The following ZRANB1 variants were observed in gnomAD, a reference collection of about 807,000 sequenced individuals.
ZRANB1 encodes the protein zinc finger RANBP2-type containing 1, also known as ubiquitin thioesterase ZRANB1.
Under a neutral mutation model 80.5 loss-of-function variants are expected in ZRANB1, and 16 were observed. The observed-to-expected ratio is 0.20, with a 90% CI of 0.13 to 0.30. The LOEUF (loss-of-function observed/expected upper bound fraction) is 0.30, where lower values mean the gene tolerates loss of function less well. Ranked by LOEUF, ZRANB1 falls within the 10% of genes least tolerant of loss-of-function variation. The pLI is 1.00. For missense variants in ZRANB1, 576 were observed against 862.6 expected (o/e 0.67, Z 4.16); for synonymous variants, 291 against 293.1 (o/e 0.99, Z 0.07).
At chr10:124,917,456 G>C in the ZRANB1 span, among the ~76,000 whole-genome samples, 2 of 151,892 alleles carry the variant, frequency 1.3e-5, no homozygotes, top group East Asian at 3.9e-4. Context: ...TGGGCGCTCC[G>C]GTTGCGGGGA....
chr10:124,922,276 TGTA>T, the ZRANB1 span, among the ~76,000 whole-genome samples: 107 of 44,848 alleles, frequency 2.4e-3, no homozygotes, highest in African/African-American at 5.0e-3. Flanking sequence ...TATATATATA[TGTA>T]AAATATATAT....
chr10:124,917,198 CCGCCGCCGCCGCCGCCAA>C, the ZRANB1 span: 1 of 172,348 alleles, frequency 5.8e-6, no homozygotes, highest in East Asian at 1.7e-4. Flanking sequence ...GCCGCCGCCG[CCGCCGCCGCCGCCGCCAA>C]GCGCCCGTCG....
rs1006177396 is a variant in ZRANB1, at chr10:124,985,074, A to C, written c.*82A>C. The C allele has an allele frequency of 7.8e-6, 9 of 1,153,696 alleles. No individual in the cohort carries two copies. Among genetic ancestry groups the C allele is most frequent in the African/African-American group, 1.5e-5 (1 of 64,934 alleles). 71.5% of individuals were successfully genotyped at this position (1,153,696 alleles called of 1,614,324 possible). ...TAGTGTGGTGCTCCAAGCAGAGTCG[A>C]CATCATGGAATGAACCAAATCTGGC... On this transcript the variant is annotated 3_prime_UTR_variant, in exon 9 of 9. Transcript: ENST00000359653.
At position 124,942,689 on chromosome 10, in the gene ZRANB1, A is replaced by G; in HGVS notation, c.196A>G (p.Ile66Val). The change falls in exon 1 of 9, where the codon ATA (isoleucine) becomes GTA (valine). Residue 66 changes from isoleucine to valine, a missense_variant. By Grantham distance (29) the Ile-to-Val change is conservative. This residue lies in a region of ZRANB1 where 411 missense variants were observed against 583.1 expected (regional missense o/e 0.70). Coordinates refer to ENST00000359653, the MANE Select transcript of ZRANB1 (RefSeq NM_017580.3). ...CACCGAAGGAGGAAGTAGTCCTTTG[A>G]TATGTCCAGACTCTAGTGCAAGACC... ...SSTEGGSSPL[I>V]CPDSSARPRV... 6.2e-7 allele frequency: 1 copy of G among 1,614,242 alleles called. No homozygotes were observed. The highest frequency in any genetic ancestry group is 8.5e-7 in the Non-Finnish European group (1 of 1,180,042).
chr10:124,940,226 T>C (rs1417343016), upstream of ZRANB1, among the ~76,000 whole-genome samples: 1 of 152,254 alleles, frequency 6.6e-6, no homozygotes, highest in African/African-American at 2.4e-5. Context: ...TTTTATTGTT[T>C]TGTTAAATTA....
At chr10:124,924,931 G>A in the ZRANB1 span, among the ~76,000 whole-genome samples, 1 of 149,544 alleles carries the variant, frequency 6.7e-6, no homozygotes, top group Non-Finnish European at 1.5e-5. Context: ...TTTTGAGACA[G>A]CGTCTCAGTT....
intron 1 of ZRANB1, among the ~76,000 whole-genome samples, chr10:124,948,987 C>G (rs1191356570): frequency 6.6e-6 from 1 of 152,102 alleles, no homozygotes; most frequent in Admixed American, 6.6e-5. Context: ...GGGCTCAACC[C>G]AGGAGAGCCA....
At chr10:124,949,040 T>A (rs1951608305) in intron 1 of ZRANB1, among the ~76,000 whole-genome samples, 1 of 152,048 alleles carries the variant, frequency 6.6e-6, no homozygotes, top group Non-Finnish European at 1.5e-5. Context: ...AGGTAAGTAG[T>A]GGGTATGAAA....
intron 2 of ZRANB1, among the ~76,000 whole-genome samples, chr10:124,970,375 C>T (rs193289304): frequency 6.6e-6 from 1 of 152,252 alleles, no homozygotes; most frequent in East Asian, 1.9e-4. Context: ...TCTCACCTTT[C>T]AGCCTCCCCA....
Position 124,942,467 on chromosome 10 carries a change from GA to G in ZRANB1, c.-26del. On this transcript the variant is annotated 5_prime_UTR_variant, in exon 1 of 9. Coordinates refer to ENST00000359653, the MANE Select transcript of ZRANB1 (RefSeq NM_017580.3). The stretch of plus-strand genomic sequence containing the variant: ...CCTAATTATTTATAGCTTCCTGCCT[GA>G]CACAGCTCACTTCAAGAAGTGCACA... 6.2e-7 allele frequency: 1 copy of G among 1,613,464 alleles called. No homozygotes were observed. Among genetic ancestry groups the G allele is most frequent in the Non-Finnish European group, 8.5e-7 (1 of 1,179,474 alleles).
At chr10:124,941,019 AC>A (rs1191728050), upstream of ZRANB1, among the ~76,000 whole-genome samples, 2 of 150,768 alleles carry the variant, frequency 1.3e-5, no homozygotes, top group African/African-American at 4.9e-5. Context: ...CAACAAAAAA[AC>A]AAACAAACAA....
chr10:124,957,731 C>CT lies in ZRANB1; in HGVS notation c.815-8851dup, dbSNP rs1004237882. Among the ~76,000 whole-genome samples, 137 of 145,246 alleles carry CT rather than the reference C, an allele frequency of 9.4e-4. 1 individual carries two copies. Among genetic ancestry groups the CT allele is most frequent in the Non-Finnish European group, 1.1e-3 (70 of 65,676 alleles). ...TGTGATCTGGGTCAGAATTTCCTTC[C>CT]TTTTTTTTTTTTCGAGAGGAAGTTT... On this transcript the variant is annotated intron_variant, in intron 1 of 8. Transcript: ENST00000359653.
the ZRANB1 span, among the ~76,000 whole-genome samples, chr10:124,934,488 T>C: frequency 6.6e-6 from 1 of 152,200 alleles, no homozygotes; most frequent in Non-Finnish European, 1.5e-5. Context: ...TTAACCAGCT[T>C]ATGGGTTGCC....
chr10:124,951,255 G>A (rs1951636731), intron 1 of ZRANB1, among the ~76,000 whole-genome samples: 1 of 152,050 alleles, frequency 6.6e-6, no homozygotes, highest in African/African-American at 2.4e-5. Flanking sequence ...TTTAAAAAAA[G>A]TTTCTACTGT....
chr10:124,920,539 CCT>C, the ZRANB1 span, among the ~76,000 whole-genome samples: 3 of 152,012 alleles, frequency 2.0e-5, no homozygotes, highest in African/African-American at 7.2e-5. Context: ...TTTGTGAATC[CCT>C]AACTCTAGCC....
the ZRANB1 span, among the ~76,000 whole-genome samples, chr10:124,928,009 C>T: frequency 6.6e-6 from 1 of 152,034 alleles, no homozygotes; most frequent in Non-Finnish European, 1.5e-5. Flanking sequence ...TGCACTACAG[C>T]CTGGGTGATA....
rs1365188865 is a variant in ZRANB1 at position 124,984,617 on chromosome 10, A to C, written c.1909-157A>C. 7.2e-6 allele frequency: 5 copies of C among 689,888 alleles called. No homozygotes were observed. The East Asian group carries it at 1.4e-4, about 19-fold the overall frequency. The allele number at this position is 689,888 out of a possible 1,614,324, so 42.7% of individuals were successfully genotyped here. ...ATTTAACCAGAGCAAACTGGACTTT[A>C]ATCACAAAACTTCCAAGAGGTCAAA... On this transcript the variant is annotated intron_variant, in intron 8 of 8. Transcript: ENST00000359653.
chr10:124,968,648 T>C (rs936189595), intron 2 of ZRANB1, among the ~76,000 whole-genome samples: 1 of 152,184 alleles, frequency 6.6e-6, no homozygotes, highest in Non-Finnish European at 1.5e-5. Context: ...TTGGAAGGGC[T>C]GTCAATGTGG....
the ZRANB1 span, among the ~76,000 whole-genome samples, chr10:124,930,005 A>T: frequency 6.6e-6 from 1 of 151,990 alleles, no homozygotes; most frequent in Non-Finnish European, 1.5e-5. Context: ...TGAGGATTCA[A>T]TGAAGTTACT....
Sources: gnomAD v4.1 joint callset for allele counts (sites outside exome capture counted in the v4.1 genomes callset) on GRCh38, gnomAD v4.1.1 for gene constraint, gnomAD v4.1.1 regional missense constraint, MANE v1.5 for transcripts, NCBI Gene and HGNC (gene_info 2026-07-23, HGNC 2026-07-21) for gene names.